Variants in NEDD4L observed in about 807,000 individuals in gnomAD.
NEDD4L encodes the protein NEDD4 like E3 ubiquitin protein ligase.
In NEDD4L, 54 loss-of-function variants were observed where a neutral mutation model predicts 148.9. The ratio of observed to expected loss-of-function variants is 0.36; its 90% CI spans 0.29 to 0.45. The LOEUF (loss-of-function observed/expected upper bound fraction) is 0.45, where lower values mean the gene tolerates loss of function less well. Among genes scored for constraint, NEDD4L ranks in the 20% least tolerant of loss-of-function variants. The pLI is 1.00. For missense variants in NEDD4L, 856 were observed against 1,233.8 expected (o/e 0.69, Z 4.59); for synonymous variants, 433 against 440.7 (o/e 0.98, Z 0.22).
chr18:58,244,136 A>G (rs1361278151), intron 2 of NEDD4L, among the ~76,000 whole-genome samples: 2 of 152,230 alleles, frequency 1.3e-5, no homozygotes, highest in African/African-American at 2.4e-5. Flanking sequence ...AAGATACTTG[A>G]TGTAATCTTT....
chr18:58,185,525 T>C (rs1489697045), intron 2 of NEDD4L, among the ~76,000 whole-genome samples: 2 of 152,170 alleles, frequency 1.3e-5, no homozygotes, highest in Non-Finnish European at 2.9e-5. Context: ...TAAACTATCA[T>C]TGGAGGGCAA....
intron 9 of NEDD4L, among the ~76,000 whole-genome samples, chr18:58,326,110 G>A (rs2059287288): frequency 6.6e-6 from 1 of 152,150 alleles, no homozygotes. Context: ...GAGGTATCAT[G>A]TTCTTAAAAA....
At chr18:58,095,922 A>ATT (rs112190104) in intron 1 of NEDD4L, among the ~76,000 whole-genome samples, 79 of 147,172 alleles carry the variant, frequency 5.4e-4, no homozygotes, top group African/African-American at 1.7e-3. Flanking sequence ...CTTTTGTGTG[A>ATT]TTTTTTTTTT....
At chr18:58,227,550 G>T (rs1341940932) in intron 2 of NEDD4L, among the ~76,000 whole-genome samples, 1 of 152,104 alleles carries the variant, frequency 6.6e-6, no homozygotes, top group Non-Finnish European at 1.5e-5. Context: ...ATTACCAGAC[G>T]TCCCTGCATG....
intron 5 of NEDD4L, among the ~76,000 whole-genome samples, chr18:58,276,199 T>TC (rs2051933115): frequency 1.7e-5 from 1 of 59,386 alleles, no homozygotes; most frequent in Non-Finnish European, 3.9e-5. Flanking sequence ...TTTTCGTTTT[T>TC]TTTTTTTTTT....
At chr18:58,211,465 A>G (rs1434786253) in intron 2 of NEDD4L, among the ~76,000 whole-genome samples, 12 of 152,262 alleles carry the variant, frequency 7.9e-5, no homozygotes, top group Admixed American at 7.8e-4. Flanking sequence ...ACATTGAACT[A>G]ATACCTGTAA....
intron 1 of NEDD4L, among the ~76,000 whole-genome samples, chr18:58,078,639 G>A (rs574615485): frequency 2.6e-5 from 4 of 152,254 alleles, no homozygotes; most frequent in Non-Finnish European, 5.9e-5. Context: ...CTTAGTCCAC[G>A]TTTGACTAGT....
intron 5 of NEDD4L, among the ~76,000 whole-genome samples, chr18:58,272,292 G>A (rs904703976): frequency 5.3e-5 from 8 of 152,046 alleles, no homozygotes; most frequent in African/African-American, 1.9e-4. Context: ...GTAAACCTGG[G>A]TGATTAAGTA....
intron 5 of NEDD4L, among the ~76,000 whole-genome samples, chr18:58,253,190 A>G (rs1026090644): frequency 6.6e-6 from 1 of 152,198 alleles, no homozygotes; most frequent in African/African-American, 2.4e-5. Flanking sequence ...AGCCTTATAC[A>G]ATAACTCATT....
At chr18:58,327,241 G>A (rs1003429964) in intron 9 of NEDD4L, among the ~76,000 whole-genome samples, 5 of 152,192 alleles carry the variant, frequency 3.3e-5, no homozygotes, top group Non-Finnish European at 5.9e-5. Context: ...GGGATTACAG[G>A]CGCCCGCCGC....
chr18:58,169,923 GT>G (rs2037360792), intron 2 of NEDD4L, among the ~76,000 whole-genome samples: 1 of 152,166 alleles, frequency 6.6e-6, no homozygotes, highest in South Asian at 2.1e-4. Context: ...TTGACTTGTT[GT>G]TTTATGCTTA....
At position 58,099,549 on chromosome 18, in the gene NEDD4L, T is replaced by C. The variant is rs2084630311; in HGVS notation, c.48+54841T>C. Reference sequence around the variant, plus strand: ...TTTCTTCCTTTAGTGCTATTTCCTGTTAGAGTGGGATAGTGGTATTTCAGT... The same window carrying C: ...TTTCTTCCTTTAGTGCTATTTCCTGCTAGAGTGGGATAGTGGTATTTCAGT... On this transcript the variant is annotated intron_variant, in intron 1 of 30. Coordinates refer to ENST00000400345, the MANE Select transcript of NEDD4L (RefSeq NM_001144967.3). Among the ~76,000 whole-genome samples, 2 of 152,180 alleles carry C rather than the reference T, an allele frequency of 1.3e-5. 1 individual carries two copies. The highest frequency in any genetic ancestry group is 4.1e-4 in the South Asian group (2 of 4,820).
intron 16 of NEDD4L, among the ~76,000 whole-genome samples, chr18:58,344,325 G>A (rs2042791419): frequency 6.6e-6 from 1 of 152,186 alleles, no homozygotes; most frequent in South Asian, 2.1e-4. Flanking sequence ...GGGACATTGT[G>A]TCTTCAAGGG....
intron 5 of NEDD4L, among the ~76,000 whole-genome samples, chr18:58,306,883 C>T (rs1199021209): frequency 6.6e-6 from 1 of 152,208 alleles, no homozygotes; most frequent in South Asian, 2.1e-4. Flanking sequence ...ATTCACCCAC[C>T]TCAGCTTCCC....
At chr18:58,107,937 C>T (rs577729503) in intron 1 of NEDD4L, among the ~76,000 whole-genome samples, 5 of 152,048 alleles carry the variant, frequency 3.3e-5, no homozygotes, top group South Asian at 2.1e-4. Context: ...TTCTGCTGGT[C>T]GTGAACTCCT....
chr18:58,391,864 A>C lies in NEDD4L; in HGVS notation c.2825+305A>C, dbSNP rs2049879665. Among the ~76,000 whole-genome samples the C allele has an allele frequency of 1.3e-5, 2 of 152,252 alleles. 1 individual carries two copies. Among genetic ancestry groups the C allele is most frequent in the South Asian group, 4.1e-4 (2 of 4,830 alleles). Reference sequence around the variant, plus strand: ...ACTGTTCAGCATACATAGATAAGGCAGCTCTCAACCTGTATAATAAACACG... The same window carrying C: ...ACTGTTCAGCATACATAGATAAGGCCGCTCTCAACCTGTATAATAAACACG... On this transcript the variant is annotated intron_variant, in intron 30 of 30. Coordinates refer to ENST00000400345, the MANE Select transcript of NEDD4L (RefSeq NM_001144967.3).
At chr18:58,088,264 C>T (rs575491636) in intron 1 of NEDD4L, among the ~76,000 whole-genome samples, 42 of 152,306 alleles carry the variant, frequency 2.8e-4, no homozygotes, top group East Asian at 7.7e-4. Context: ...GTGGGTTACA[C>T]GTCAGCATTA....
chr18:58,119,258 T>C (rs557107738), intron 1 of NEDD4L, among the ~76,000 whole-genome samples: 160 of 152,250 alleles, frequency 1.1e-3, no homozygotes, highest in African/African-American at 3.5e-3. Flanking sequence ...TGGGAGGGCT[T>C]TGCCAAAGTC....
At chr18:58,049,437 A>G (rs775646545) in intron 1 of NEDD4L, among the ~76,000 whole-genome samples, 5 of 152,172 alleles carry the variant, frequency 3.3e-5, no homozygotes, top group Non-Finnish European at 7.3e-5. Flanking sequence ...TTGCTTTCAA[A>G]AATTGTGGTT....
Sources: gnomAD v4.1 joint callset for allele counts (sites outside exome capture counted in the v4.1 genomes callset) on GRCh38, gnomAD v4.1.1 for gene constraint, MANE v1.5 for transcripts, NCBI Gene and HGNC (gene_info 2026-07-23, HGNC 2026-07-21) for gene names.